The following SENP6 variants were observed in gnomAD, a reference collection of about 807,000 sequenced individuals.
The protein encoded by SENP6 is sentrin-specific protease 6.
SENP6 carries 41 observed loss-of-function variants against 134.5 expected under a neutral mutation model. That is an observed-to-expected ratio of 0.30 (90% CI 0.24 to 0.40). SENP6 has a LOEUF of 0.40. SENP6 is among the 10% of genes least tolerant of loss of function. The pLI is 1.00. For missense variants in SENP6, 1,248 were observed against 1,312.5 expected, an observed-to-expected ratio of 0.95 and a Z score of 0.76; for synonymous variants, 395 against 429.8, an observed-to-expected ratio of 0.92 and a Z score of 1.00.
At chr6:75,636,300 G>A (rs533035194) in intron 5 of SENP6, among the ~76,000 whole-genome samples, 2 of 152,238 alleles carry the variant, frequency 1.3e-5, no homozygotes, top group South Asian at 2.1e-4. Context: ...GTATAATCAA[G>A]TCAGCAGGAC....
chr6:75,663,820 G>GT (rs1771967770), intron 9 of SENP6, among the ~76,000 whole-genome samples: 3 of 84,458 alleles, frequency 3.6e-5, no homozygotes, highest in African/African-American at 1.4e-4. Context: ...TTTTTTTTTT[G>GT]TGGGGGGGGG....
Position 75,715,682 on chromosome 6 carries a change from ACTC to A in SENP6, c.*89_*91del, listed in dbSNP as rs1775990855. 4.5e-6 allele frequency: 4 copies of A among 889,652 alleles called. No individual in the cohort carries two copies. Among genetic ancestry groups the A allele is most frequent in the Non-Finnish European group, 5.1e-6 (3 of 585,536 alleles). 55.1% of individuals were successfully genotyped at this position (889,652 alleles called of 1,614,324 possible). A position where few individuals can be genotyped will look rare whatever the true frequency, so the allele number is the denominator to read the frequency against. On this transcript the variant is annotated 3_prime_UTR_variant, in exon 24 of 24. Transcript: ENST00000447266. ...ACAATAAAGAACTGAAGTGCTCACT[ACTC>A]AGTGATTTGGAAATTTTGATGCTTG...
chr6:75,713,685 G>A lies in SENP6; in HGVS notation c.2989G>A (p.Val997Met), dbSNP rs781421172. The A allele has an allele frequency of 6.2e-7, 1 of 1,611,446 alleles. No homozygotes were observed. Among genetic ancestry groups the A allele is most frequent in the Non-Finnish European group, 8.5e-7 (1 of 1,178,116 alleles). ...VVKILREYLE[V>M]EWEVKKGSKR... ...TATGAATTATTGCAGGTATTTAGAA[G>A]TGGAATGGGAAGTTAAAAAAGGAAG... The change falls in exon 23 of 24, where the codon GTG becomes ATG. Residue 997 changes from valine (V) to methionine (M), a missense_variant. Val to Met is a conservative substitution (Grantham distance 21, BLOSUM62 1). Transcript: ENST00000447266.
Position 75,709,559 on chromosome 6 carries a change from G to A in SENP6, c.2749G>A (p.Asp917Asn), listed in dbSNP as rs560237458. The change falls in exon 20 of 24, where the codon GAT becomes AAT. Residue 917 changes from aspartate to asparagine, a missense_variant. This residue lies in a region of SENP6 where 386 missense variants were observed against 395.0 expected (regional missense o/e 0.98). Transcript: ENST00000447266. ...AAGCAAAATCAGACTAAACTATAGCGATGAATCACCTGAAGCTGGTAAAAT... is the reference window on the plus strand; with the variant it reads ...AAGCAAAATCAGACTAAACTATAGCAATGAATCACCTGAAGCTGGTAAAAT... ...GLSKIRLNYS[D>N]ESPEAGKMLE... The A allele has an allele frequency of 2.1e-5, 34 of 1,613,800 alleles. No homozygotes were observed. In the East Asian group the frequency reaches 2.2e-4, roughly 11 times the overall value.
rs370212328 is a variant in SENP6 at position 75,650,377 on chromosome 6, CTG to C, written c.550+2579_550+2580del. ...ATTTTAGAAGAGATATACTCTGAAA[CTG>C]TGCAAATACCCTGTTTTTCTTCAAA... On this transcript the variant is annotated intron_variant, in intron 7 of 23. Coordinates refer to ENST00000447266, the MANE Select transcript of SENP6 (RefSeq NM_015571.4). Among the ~76,000 whole-genome samples the C allele has an allele frequency of 7.1e-4, 108 of 152,312 alleles. 2 individuals carry two copies. The South Asian group carries it at 0.02, about 29-fold the overall frequency.
chr6:75,701,935 T>G (rs1775062168), intron 18 of SENP6, among the ~76,000 whole-genome samples: 1 of 151,886 alleles, frequency 6.6e-6, no homozygotes. Context: ...CCACCGCACC[T>G]GGCCGACAGT....
intron 10 of SENP6, among the ~76,000 whole-genome samples, chr6:75,668,837 G>A (rs1004691790): frequency 2.0e-5 from 3 of 152,182 alleles, no homozygotes; most frequent in African/African-American, 7.2e-5. Context: ...CTGGCACACT[G>A]AATCATAAGG....
At chr6:75,666,045 ATATATATGATATATAAAACG>A in intron 9 of SENP6, among the ~76,000 whole-genome samples, 1 of 144,516 alleles carries the variant, frequency 6.9e-6, no homozygotes, top group African/African-American at 2.5e-5. Context: ...TATATTTTAT[ATATATATGATATATAAAACG>A]TATATATGAT....
intron 10 of SENP6, 61 bp from the exon 11 acceptor site, chr6:75,670,492 T>A: frequency 1.6e-6 from 2 of 1,264,822 alleles, no homozygotes; most frequent in Non-Finnish European, 2.2e-6. Flanking sequence ...CATATGTTTA[T>A]ACTTAGCTTG....
intron 18 of SENP6, among the ~76,000 whole-genome samples, chr6:75,700,078 T>C (rs1159072340): frequency 6.6e-6 from 1 of 152,028 alleles, no homozygotes; most frequent in African/African-American, 2.4e-5. Flanking sequence ...CCCAGCTAAT[T>C]TTTTAAAATT....
At chr6:75,663,588 C>A in intron 9 of SENP6, 70 bp downstream of exon 9, 1 of 1,090,016 alleles carries the variant, frequency 9.2e-7, no homozygotes, top group Non-Finnish European at 1.3e-6. Flanking sequence ...TTTACAACCA[C>A]TCTCCCCAAC....
At chr6:75,664,019 C>T (rs960221094) in intron 9 of SENP6, among the ~76,000 whole-genome samples, 22 of 151,976 alleles carry the variant, frequency 1.4e-4, no homozygotes, top group African/African-American at 2.4e-5. Context: ...CTAGAGTATA[C>T]AGCGTGTATA....
chr6:75,615,160 G>A (rs1160701879), intron 1 of SENP6, among the ~76,000 whole-genome samples: 1 of 151,954 alleles, frequency 6.6e-6, no homozygotes, highest in African/African-American at 2.4e-5. Context: ...CAAAGTGCTG[G>A]GATTATCTCG....
intron 1 of SENP6, among the ~76,000 whole-genome samples, chr6:75,618,144 C>T (rs962625524): frequency 2.6e-5 from 4 of 152,188 alleles, no homozygotes; most frequent in Non-Finnish European, 5.9e-5. Context: ...ACGTAAGTTA[C>T]CAAGTTGAGC....
chr6:75,654,132 G>T (rs1013700232), intron 7 of SENP6, among the ~76,000 whole-genome samples: 2 of 152,226 alleles, frequency 1.3e-5, no homozygotes, highest in African/African-American at 4.8e-5. Context: ...GCAGAGGTGA[G>T]GGGATCATTT....
intron 18 of SENP6, 181 bp downstream of exon 18, chr6:75,697,698 G>A (rs575401120): frequency 3.8e-6 from 2 of 522,200 alleles, no homozygotes; most frequent in Admixed American, 3.3e-5. Flanking sequence ...AAGCATGTAA[G>A]ATATTGAATT....
chr6:75,666,136 TA>T (rs1170229218), intron 9 of SENP6, among the ~76,000 whole-genome samples: 4 of 127,926 alleles, frequency 3.1e-5, no homozygotes, highest in Non-Finnish European at 6.6e-5. Context: ...AAAACGTATA[TA>T]TGATATATAT....
At position 75,694,891 on chromosome 6, in the gene SENP6, G is replaced by A. The variant is rs185178951; in HGVS notation, c.2076-913G>A. 6.2e-3 allele frequency among the ~76,000 whole-genome samples: 944 copies of A among 151,438 alleles called. 8 individuals are homozygous for A. Among genetic ancestry groups the A allele is most frequent in the Non-Finnish European group, 0.01 (682 of 67,896 alleles). On this transcript the variant is annotated intron_variant, in intron 16 of 23. Coordinates refer to ENST00000447266, the MANE Select transcript of SENP6 (RefSeq NM_015571.4). ...TTTTTTAATTTATTTTTATTTTCTT[G>A]AGACCAAGTCTTGGTCTGTCATGCC...
At position 75,640,674 on chromosome 6, in the gene SENP6, A is replaced by G; in HGVS notation, c.459-10A>G. 3 of 1,522,274 alleles carry G rather than the reference A, an allele frequency of 2.0e-6. No individual in the cohort carries two copies. The highest frequency in any genetic ancestry group is 1.8e-6 in the Non-Finnish European group (2 of 1,129,642). The allele number at this position is 1,522,274 out of a possible 1,614,324, so 94.3% of individuals were successfully genotyped here. On this transcript the variant is annotated splice_polypyrimidine_tract_variant and intron_variant, in intron 5 of 23. Coordinates refer to ENST00000447266, the MANE Select transcript of SENP6 (RefSeq NM_015571.4). The stretch of plus-strand genomic sequence containing the variant: ...GCCTCTTATATTTTTTTTCTTTTTC[A>G]TGTTTTAAGCAGTCTGGACCGAAAA...
Sources: gnomAD v4.1 joint callset for allele counts (sites outside exome capture counted in the v4.1 genomes callset) on GRCh38, gnomAD v4.1.1 for gene constraint, gnomAD v4.1.1 regional missense constraint, MANE v1.5 for transcripts, NCBI Gene and HGNC (gene_info 2026-07-23, HGNC 2026-07-21) for gene names.